SUPT3H: variants seen among roughly 807,000 people sequenced by gnomAD.
SUPT3H encodes the protein transcription initiation protein SPT3 homolog.
A neutral mutation model predicts 44.3 loss-of-function variants in SUPT3H; 44 were observed. The ratio of observed to expected loss-of-function variants is 0.99; its 90% CI spans 0.78 to 1.28. The LOEUF (loss-of-function observed/expected upper bound fraction) is 1.28. Ranked by LOEUF, SUPT3H falls within the 50% of genes most tolerant of loss-of-function variation. The pLI, the probability that SUPT3H is intolerant of heterozygous loss-of-function variation, is 0.00. For missense variants in SUPT3H, 380 were observed against 387.1 expected (o/e 0.98, Z 0.15); for synonymous variants, 124 against 125.6 (o/e 0.99, Z 0.09).
At chr6:45,208,352 G>A (rs955077467) in intron 2 of SUPT3H, among the ~76,000 whole-genome samples, 7 of 152,170 alleles carry the variant, frequency 4.6e-5, no homozygotes, top group Non-Finnish European at 8.8e-5. Context: ...GCAAGGTGAA[G>A]GAGCAAACAA....
intron 10 of SUPT3H, among the ~76,000 whole-genome samples, chr6:44,892,687 C>A (rs557588703): frequency 1.1e-4 from 16 of 152,190 alleles, no homozygotes; most frequent in African/African-American, 3.9e-4. Flanking sequence ...ACTGTCAAAC[C>A]TTTCATTTTA....
rs550465777 is a variant in SUPT3H at position 45,100,758 on chromosome 6, G to C, written c.186+5164C>G. 2.0e-3 allele frequency among the ~76,000 whole-genome samples: 308 copies of C among 152,170 alleles called. 1 individual carries two copies. The highest frequency in any genetic ancestry group is 6.8e-3 in the African/African-American group (283 of 41,530). On this transcript the variant is annotated intron_variant, in intron 3 of 10. Coordinates refer to ENST00000371459, the MANE Select transcript of SUPT3H (RefSeq NM_003599.4). ...GAAAGGGAATGTCTTACACACTTTT[G>C]ATTGAAATGTAAATTAGTATAACCA...
At position 44,988,229 on chromosome 6, in the gene SUPT3H, T is replaced by C. The variant is rs143675451; in HGVS notation, c.504+15424A>G. ...AAAAAGCACTAAGTACTACTAATAC[T>C]GATGATCTAGAAGATACTTGAAAAT... On this transcript the variant is annotated intron_variant, in intron 6 of 10. Coordinates refer to ENST00000371459, the MANE Select transcript of SUPT3H (RefSeq NM_003599.4). 4.8e-3 allele frequency among the ~76,000 whole-genome samples: 725 copies of C among 152,100 alleles called. 3 individuals are homozygous for C. Among genetic ancestry groups the C allele is most frequent in the African/African-American group, 0.017 (692 of 41,524 alleles).
chr6:45,295,250 C>G (rs1042179643), intron 2 of SUPT3H, among the ~76,000 whole-genome samples: 4 of 151,732 alleles, frequency 2.6e-5, no homozygotes, highest in African/African-American at 9.7e-5. Flanking sequence ...ATTGGGAACA[C>G]TTTTCAACAA....
chr6:45,047,388 CA>C (rs1204038598), intron 3 of SUPT3H, among the ~76,000 whole-genome samples: 1 of 151,918 alleles, frequency 6.6e-6, no homozygotes, highest in Non-Finnish European at 1.5e-5. Context: ...GAGCACTGAA[CA>C]AATAAGTAAG....
intron 2 of SUPT3H, among the ~76,000 whole-genome samples, chr6:45,128,547 T>C (rs1802863905): frequency 3.1e-5 from 2 of 64,280 alleles, no homozygotes; most frequent in Non-Finnish European, 5.4e-5. Context: ...TATATATATA[T>C]ATATATATAT....
chr6:44,961,821 T>C lies in SUPT3H; in HGVS notation c.512A>G (p.Glu171Gly). The C allele has an allele frequency of 6.2e-7, 1 of 1,606,250 alleles. No individual in the cohort carries two copies. The highest frequency in any genetic ancestry group is 8.5e-7 in the Non-Finnish European group (1 of 1,176,914). Residue 171 changes from glutamate to glycine, a missense_variant, in exon 7 of 11, where the codon GAA becomes GGA. By Grantham distance (98) the Glu-to-Gly change is moderately conservative. Coordinates refer to ENST00000371459, the MANE Select transcript of SUPT3H (RefSeq NM_003599.4). ...TGAATCCATAATTCGAGTTTGTCTT[T>C]CTGCTCTCTAAAAGATAAAAATACA... ...EVKQERMERA[E>G]RQTRIMDSAQ...
chr6:45,244,414 C>A (rs1356193211), intron 2 of SUPT3H, among the ~76,000 whole-genome samples: 1 of 152,100 alleles, frequency 6.6e-6, no homozygotes, highest in African/African-American at 2.4e-5. Context: ...ATTTTTAAAT[C>A]ATTATTTTTC....
At chr6:44,861,501 C>T (rs752013466) in intron 10 of SUPT3H, among the ~76,000 whole-genome samples, 2 of 152,132 alleles carry the variant, frequency 1.3e-5, no homozygotes, top group African/African-American at 4.8e-5. Flanking sequence ...ATTCTCCCGC[C>T]TCAGCTTCCT....
intron 2 of SUPT3H, among the ~76,000 whole-genome samples, chr6:45,303,648 G>C (rs1220856354): frequency 1.5e-5 from 2 of 136,076 alleles, no homozygotes; most frequent in East Asian, 4.5e-4. Context: ...TTAATAGAAT[G>C]AGATGTTGCC....
chr6:44,937,011 C>T (rs1771549798), intron 9 of SUPT3H, among the ~76,000 whole-genome samples: 1 of 152,046 alleles, frequency 6.6e-6, no homozygotes. Context: ...GTATACATGC[C>T]ACATTTTCTT....
chr6:45,014,783 GTGTTT>G lies in SUPT3H; in HGVS notation c.364+13_364+17del. 1 of 1,535,974 alleles carries G rather than the reference GTGTTT, an allele frequency of 6.5e-7. No individual in the cohort carries two copies. Among genetic ancestry groups the G allele is most frequent in the Non-Finnish European group, 8.8e-7 (1 of 1,142,046 alleles). Reference sequence around the variant, plus strand: ...TGTCATAAGCTCATGTTTTAGTTTTGTGTTTTGTTTTGGTTACCTTCGAGAAGATC... The same window carrying G: ...TGTCATAAGCTCATGTTTTAGTTTTGTGTTTTGGTTACCTTCGAGAAGATC... On this transcript the variant is annotated intron_variant, in intron 5 of 10. Coordinates refer to ENST00000371459, the MANE Select transcript of SUPT3H (RefSeq NM_003599.4).
At chr6:44,810,272 T>TA (rs758599804) in intron 11 of SUPT3H, among the ~76,000 whole-genome samples, 55 of 152,198 alleles carry the variant, frequency 3.6e-4, no homozygotes, top group Non-Finnish European at 6.6e-4. Flanking sequence ...AGTTGTTTAC[T>TA]AAGGGCAAAG....
intron 2 of SUPT3H, among the ~76,000 whole-genome samples, chr6:45,161,797 G>C (rs1018445087): frequency 6.6e-6 from 1 of 152,066 alleles, no homozygotes; most frequent in African/African-American, 2.4e-5. Context: ...CACACAAGTA[G>C]ACATTTTATT....
At chr6:45,024,235 G>A (rs906225947) in intron 3 of SUPT3H, among the ~76,000 whole-genome samples, 1 of 152,116 alleles carries the variant, frequency 6.6e-6, no homozygotes, top group Admixed American at 6.5e-5. Context: ...AGGTTGAGAA[G>A]TAAAAGGTAC....
chr6:45,283,272 T>C (rs185955267), intron 2 of SUPT3H, among the ~76,000 whole-genome samples: 3 of 152,204 alleles, frequency 2.0e-5, no homozygotes, highest in East Asian at 1.9e-4. Context: ...AAGGCTCCAA[T>C]TAAAAGACAC....
chr6:45,072,855 C>T (rs62438863), intron 3 of SUPT3H, among the ~76,000 whole-genome samples: 32,410 of 151,642 alleles, frequency 0.21, 4,362 homozygotes, highest in Non-Finnish European at 0.31. Flanking sequence ...GGATACTGGC[C>T]CTCTCTCTAT....
chr6:45,352,040 C>A (rs1321165132), intron 2 of SUPT3H, among the ~76,000 whole-genome samples: 1 of 152,186 alleles, frequency 6.6e-6, no homozygotes, highest in Admixed American at 6.5e-5. Flanking sequence ...GCCATCCCAA[C>A]CAGCTGTCTT....
At chr6:44,866,936 G>A (rs1008189154) in intron 10 of SUPT3H, among the ~76,000 whole-genome samples, 3 of 152,122 alleles carry the variant, frequency 2.0e-5, no homozygotes, top group African/African-American at 7.2e-5. Context: ...TAGTAATAAA[G>A]ACTATCACAA....
Sources: gnomAD v4.1 joint callset for allele counts (sites outside exome capture counted in the v4.1 genomes callset) on GRCh38, gnomAD v4.1.1 for gene constraint, MANE v1.5 for transcripts, NCBI Gene and HGNC (gene_info 2026-07-23, HGNC 2026-07-21) for gene names.